Variants in AGAP3 observed in about 807,000 individuals in gnomAD.
The protein encoded by AGAP3 is ArfGAP with GTPase domain, ankyrin repeat and PH domain 3, also known as arf-GAP with GTPase, ANK repeat and PH domain-containing protein 3.
AGAP3 carries 24 observed loss-of-function variants against 96.9 expected under a neutral mutation model. The ratio of observed to expected loss-of-function variants is 0.25; its 90% CI spans 0.18 to 0.35. The LOEUF is 0.35. Ranked by LOEUF, AGAP3 falls within the 10% of genes least tolerant of loss-of-function variation. AGAP3 has a pLI of 1.00. For missense variants in AGAP3, 876 were observed against 1,254.2 expected (o/e 0.70, Z 4.55); for synonymous variants, 563 against 536.1 (o/e 1.05, Z -0.69).
At chr7:151,123,919 T>C in intron 9 of AGAP3, 33 bp downstream of exon 9, 1 of 1,590,356 alleles carries the variant, frequency 6.3e-7, no homozygotes, top group Non-Finnish European at 8.5e-7. Context: ...GCTCCAGGGC[T>C]CAGAATGAGG....
In AGAP3 at chr7:151,143,323, A is replaced by C. The variant is rs537299652; in HGVS notation, c.2274-18A>C. ...GTGACCTTCCTTGGCTCATGCCCTG[A>C]TGGGCCTGTGGTTGCAGAGAGGAGA... On this transcript the variant is annotated intron_variant, in intron 16 of 17. Coordinates refer to ENST00000397238, the MANE Select transcript of AGAP3 (RefSeq NM_031946.7). The surrounding 1 kb of genome is among the most constrained non-coding windows in gnomAD (Gnocchi z 5.9). The C allele has an allele frequency of 1.3e-5, 21 of 1,597,408 alleles. No homozygotes were observed. The African/African-American group carries it at 2.7e-4, about 20-fold the overall frequency.
chr7:151,118,131 C>A lies in AGAP3; in HGVS notation c.707-79C>A. The A allele has an allele frequency of 6.5e-7, 1 of 1,533,896 alleles. No individual in the cohort carries two copies. The highest frequency in any genetic ancestry group is 8.8e-7 in the Non-Finnish European group (1 of 1,133,794). On this transcript the variant is annotated intron_variant, in intron 5 of 17. Transcript: ENST00000397238. The surrounding 1 kb of genome is among the most constrained non-coding windows in gnomAD (Gnocchi z 6.1). ...CTCACCAGGCCCTTTGCACACCTGCCCTTGGGCCAAATGCCCCCCACCACA... is the reference window on the plus strand; with the variant it reads ...CTCACCAGGCCCTTTGCACACCTGCACTTGGGCCAAATGCCCCCCACCACA...
chr7:151,116,570 C>A, intron 1 of AGAP3: 1 of 572,824 alleles, frequency 1.7e-6, no homozygotes, highest in East Asian at 2.9e-5. Context: ...AGCCCACAGC[C>A]CTCAGAGTCC....
rs1198020900 is a variant in AGAP3, at chr7:151,139,134, G to A, written c.1666+821G>A. ...TGTCCTGAGTGATGGTGTAATGACA[G>A]GAAGACCCAGGGTGCCCCACTGTCA... On this transcript the variant is annotated intron_variant, in intron 12 of 17. Coordinates refer to ENST00000397238, the MANE Select transcript of AGAP3 (RefSeq NM_031946.7). This position sits in a 1 kb window ranked among gnomAD's most constrained non-coding sequence, Gnocchi z 4.9. 2.0e-5 allele frequency among the ~76,000 whole-genome samples: 3 copies of A among 152,224 alleles called. No homozygotes were observed. Among genetic ancestry groups the A allele is most frequent in the African/African-American group, 7.2e-5 (3 of 41,470 alleles).
intron 1 of AGAP3, among the ~76,000 whole-genome samples, chr7:151,105,773 T>TC (rs1202282965): frequency 2.8e-4 from 7 of 25,210 alleles, no homozygotes; most frequent in South Asian, 1.4e-3. Context: ...ACCCCTCCAT[T>TC]CCGCCCCCCC....
rs1443731673 is a variant in AGAP3 at position 151,116,776 on chromosome 7, G to A, written c.332-17G>A. The A allele has an allele frequency of 4.3e-6, 7 of 1,613,888 alleles. No individual in the cohort carries two copies. The African/African-American group carries it at 5.3e-5, about 12-fold the overall frequency. ...TGTGCCACCCTGGCCCTGACGGGGCGGCTCTGTCTTCCGCAGACTCGTTTG... is the reference window on the plus strand; with the variant it reads ...TGTGCCACCCTGGCCCTGACGGGGCAGCTCTGTCTTCCGCAGACTCGTTTG... On this transcript the variant is annotated splice_polypyrimidine_tract_variant and intron_variant, in intron 1 of 17. Coordinates refer to ENST00000397238, the MANE Select transcript of AGAP3 (RefSeq NM_031946.7).
At chr7:151,111,764 A>T (rs927764966) in intron 1 of AGAP3, among the ~76,000 whole-genome samples, 3 of 152,154 alleles carry the variant, frequency 2.0e-5, no homozygotes, top group Non-Finnish European at 2.9e-5. Flanking sequence ...CAGGATGCAC[A>T]CTGCGGGCAT....
Position 151,118,572 on chromosome 7 carries a change from C to T in AGAP3, c.909C>T (p.Pro303=). The T allele has an allele frequency of 6.2e-7, 1 of 1,614,094 alleles. No individual in the cohort carries two copies. Among genetic ancestry groups the T allele is most frequent in the Non-Finnish European group, 8.5e-7 (1 of 1,180,036 alleles). The change falls in exon 7 of 18, where the codon CCC becomes CCT. Residue 303 remains proline (P), a synonymous_variant. Transcript: ENST00000397238. This position sits in a 1 kb window ranked among gnomAD's most constrained non-coding sequence, Gnocchi z 6.1. ...CCATCGGGCCCTGCAAGTCACTGCC[C>T]AACTCGCCCAGCCACTCGGCCGTGT... ...QLAIGPCKSL[P]NSPSHSAVSA... is the part of the protein sequence containing the mutation.
rs376525541 is a variant in AGAP3 at position 151,118,360 on chromosome 7, G to T, written c.841+16G>T. The T allele has an allele frequency of 1.2e-6, 2 of 1,604,884 alleles. No homozygotes were observed. Among genetic ancestry groups the T allele is most frequent in the African/African-American group, 2.7e-5 (2 of 74,780 alleles). Reference sequence around the variant, plus strand: ...TTCCAGGACGGTAACTCGGGTGCCGGGTGGGAGTCACTGGCAGCCGCGGCC... The same window carrying T: ...TTCCAGGACGGTAACTCGGGTGCCGTGTGGGAGTCACTGGCAGCCGCGGCC... On this transcript the variant is annotated intron_variant, in intron 6 of 17. Coordinates refer to ENST00000397238, the MANE Select transcript of AGAP3 (RefSeq NM_031946.7). This position sits in a 1 kb window ranked among gnomAD's most constrained non-coding sequence, Gnocchi z 6.1.
intron 9 of AGAP3, among the ~76,000 whole-genome samples, chr7:151,126,635 A>C (rs1004213844): frequency 6.6e-6 from 1 of 152,136 alleles, no homozygotes; most frequent in Non-Finnish European, 1.5e-5. Context: ...CGAGCACGCT[A>C]GTCCCATGGC....
rs1265218429 is a variant in AGAP3 at position 151,142,166 on chromosome 7, C to T, written c.1963C>T (p.Arg655Ter). 2 of 1,613,612 alleles carry T rather than the reference C, an allele frequency of 1.2e-6. No individual in the cohort carries two copies. The highest frequency in any genetic ancestry group is 1.7e-6 in the Non-Finnish European group (2 of 1,179,924). Residue 655 changes from arginine to a stop codon, truncating the protein, a stop_gained, in exon 15 of 18, where the codon CGA becomes TGA. Coordinates refer to ENST00000397238, the MANE Select transcript of AGAP3 (RefSeq NM_031946.7). LOFTEE classifies it high-confidence loss of function. The surrounding 1 kb of genome is among the most constrained non-coding windows in gnomAD (Gnocchi z 7.5). ...TGTCTCTCCTGCTGTGCGACAGACT[C>T]GACTGGGGAACCAGAACGCAGCTCT... Reference protein sequence around the residue: ...QGCRSAKDKTRLGNQNAALAV... With the variant: ...QGCRSAKDKT
In AGAP3 at chr7:151,114,814, G is replaced by A. The variant is rs1387689809; in HGVS notation, c.332-1979G>A. ...CAGGGGGACAGCTGTCCCGGGGAGC[G>A]GCCCGCCGCTTGCCGCCGCGCCCAC... On this transcript the variant is annotated intron_variant, in intron 1 of 17. Coordinates refer to ENST00000397238, the MANE Select transcript of AGAP3 (RefSeq NM_031946.7). This position sits in a 1 kb window ranked among gnomAD's most constrained non-coding sequence, Gnocchi z 4.4. 1.9e-6 allele frequency: 2 copies of A among 1,057,106 alleles called. No individual in the cohort carries two copies. Among genetic ancestry groups the A allele is most frequent in the Non-Finnish European group, 2.3e-6 (2 of 877,740 alleles). 65.5% of individuals were successfully genotyped at this position (1,057,106 alleles called of 1,614,324 possible).
At chr7:151,100,216 G>A (rs537192796) in intron 1 of AGAP3, among the ~76,000 whole-genome samples, 2 of 152,300 alleles carry the variant, frequency 1.3e-5, no homozygotes, top group Admixed American at 6.5e-5. Flanking sequence ...CCCCAGCTGC[G>A]GTGCTGTTTT....
chr7:151,099,817 T>TTTTG (rs1554462036), intron 1 of AGAP3, among the ~76,000 whole-genome samples: 7 of 152,356 alleles, frequency 4.6e-5, no homozygotes, highest in East Asian at 3.9e-4. Flanking sequence ...GTAAGGTTTT[T>TTTTG]TTTGTTTGTT....
intron 10 of AGAP3, among the ~76,000 whole-genome samples, chr7:151,130,794 G>A (rs1236523404): frequency 3.9e-5 from 6 of 152,038 alleles, no homozygotes; most frequent in African/African-American, 7.2e-5. Context: ...GGCAGAGCCC[G>A]CTTCACTTTA....
intron 1 of AGAP3, among the ~76,000 whole-genome samples, chr7:151,104,145 CCATCAATGAT>C (rs1263070525): frequency 6.6e-6 from 1 of 152,182 alleles, no homozygotes; most frequent in Non-Finnish European, 1.5e-5. Context: ...GTTTTAGCGT[CCATCAATGAT>C]CTTTGCCTGA....
At chr7:151,119,028 C>T (rs965210120) in intron 7 of AGAP3, among the ~76,000 whole-genome samples, 2 of 152,240 alleles carry the variant, frequency 1.3e-5, no homozygotes, top group Non-Finnish European at 2.9e-5. Flanking sequence ...GCTGGTATTC[C>T]AGTGACAGCC....
chr7:151,126,648 G>A (rs1453020626), intron 9 of AGAP3, among the ~76,000 whole-genome samples: 2 of 152,216 alleles, frequency 1.3e-5, no homozygotes, highest in Non-Finnish European at 2.9e-5. Context: ...CCCATGGCTG[G>A]TCGCAGCGGG....
At chr7:151,109,925 A>G (rs1799214152) in intron 1 of AGAP3, among the ~76,000 whole-genome samples, 1 of 152,228 alleles carries the variant, frequency 6.6e-6, no homozygotes, top group African/African-American at 2.4e-5. Context: ...GCGGCCCTCC[A>G]TGCTCACAGG....
Sources: allele counts gnomAD v4.1 joint callset (sites outside exome capture counted in the v4.1 genomes callset), GRCh38; gene constraint gnomAD v4.1.1; non-coding constraint Gnocchi (gnomAD v3.1); transcripts MANE v1.5; gene names NCBI Gene and HGNC (gene_info 2026-07-23, HGNC 2026-07-21).